EYA1: variants seen among roughly 807,000 people sequenced by gnomAD.
EYA1 encodes EYA transcriptional coactivator and phosphatase 1.
A neutral mutation model predicts 82.0 loss-of-function variants in EYA1; 16 were observed. The observed-to-expected ratio is 0.20, with a 90% CI of 0.13 to 0.30. EYA1 has a LOEUF of 0.30. Ranked by LOEUF, EYA1 falls within the 10% of genes least tolerant of loss-of-function variation. The pLI, the probability that EYA1 is intolerant of heterozygous loss-of-function variation, is 1.00. For synonymous variants in EYA1, 261 were observed against 264.4 expected (o/e 0.99, Z 0.12); for missense variants, 633 against 730.7 (o/e 0.87, Z 1.54).
chr8:71,274,855 A>G (rs1816936889), intron 9 of EYA1, among the ~76,000 whole-genome samples: 1 of 152,158 alleles, frequency 6.6e-6, no homozygotes, highest in Non-Finnish European at 1.5e-5. Context: ...GTATGTGTGA[A>G]GGTAAAGTGG....
chr8:71,305,430 T>C (rs73290074), intron 7 of EYA1, among the ~76,000 whole-genome samples: 4,438 of 141,624 alleles, frequency 0.031, 512 homozygotes, highest in African/African-American at 0.11. Context: ...TTCTTACTCA[T>C]TGGTTAAAAG....
chr8:71,493,675 ATATAT>A (rs1263018946), intron 2 of EYA1, among the ~76,000 whole-genome samples: 1 of 151,814 alleles, frequency 6.6e-6, no homozygotes, highest in African/African-American at 2.4e-5. Flanking sequence ...ATTATATATT[ATATAT>A]TATATTTTTT....
At chr8:71,374,323 G>A (rs1366402136) in intron 2 of EYA1, among the ~76,000 whole-genome samples, 2 of 152,000 alleles carry the variant, frequency 1.3e-5, no homozygotes, top group Non-Finnish European at 2.9e-5. Context: ...ATGGGCAGAG[G>A]ACCTAAATAG....
intron 3 of EYA1, among the ~76,000 whole-genome samples, chr8:71,343,495 C>T (rs894961415): frequency 3.3e-5 from 5 of 152,020 alleles, no homozygotes; most frequent in African/African-American, 7.2e-5. Flanking sequence ...GGGAAACTGG[C>T]GGCTTTATGA....
chr8:71,478,441 G>C (rs933410314), intron 2 of EYA1, among the ~76,000 whole-genome samples: 4 of 152,096 alleles, frequency 2.6e-5, no homozygotes, highest in Non-Finnish European at 5.9e-5. Flanking sequence ...AACAGAAAGG[G>C]AGTAGTATGT....
intron 2 of EYA1, among the ~76,000 whole-genome samples, chr8:71,509,993 A>G (rs1389853105): frequency 2.6e-5 from 4 of 151,436 alleles, no homozygotes; most frequent in Non-Finnish European, 4.4e-5. Context: ...TTTTTAGATT[A>G]TTGTTCTGTA....
chr8:71,264,780 G>A (rs1815578831), intron 11 of EYA1, among the ~76,000 whole-genome samples: 1 of 151,470 alleles, frequency 6.6e-6, no homozygotes, highest in Admixed American at 6.6e-5. Context: ...ATGGACTCTT[G>A]CCATGTTACC....
chr8:71,502,709 TGGA>T (rs1811896688), intron 2 of EYA1, among the ~76,000 whole-genome samples: 1 of 152,282 alleles, frequency 6.6e-6, no homozygotes. Flanking sequence ...GCCTGAAGCA[TGGA>T]GATGAAGAAA....
rs1409992455 is a variant in EYA1 at position 71,497,677 on chromosome 8, A to G, written c.33+38067T>C. Among the ~76,000 whole-genome samples, 72 of 152,320 alleles carry G rather than the reference A, an allele frequency of 4.7e-4. 1 individual carries two copies. The highest frequency in any genetic ancestry group is 1.5e-5 in the Non-Finnish European group (1 of 68,024). On this transcript the variant is annotated intron_variant, in intron 2 of 18. Coordinates refer to the EYA1 transcript ENST00000643681. ...ACTAAGGAGGTTCCTCAAAAAATTA[A>G]AAACAGAACTACCCTTTGATTCAGC...
chr8:71,496,233 T>G (rs1282304336), intron 2 of EYA1, among the ~76,000 whole-genome samples: 1 of 152,208 alleles, frequency 6.6e-6, no homozygotes, highest in Admixed American at 6.5e-5. Context: ...ATAAATCAGT[T>G]TGTGAATCTA....
At chr8:71,538,249 T>C (rs1814866106) in intron 1 of EYA1, among the ~76,000 whole-genome samples, 2 of 152,196 alleles carry the variant, frequency 1.3e-5, no homozygotes, top group South Asian at 4.1e-4. Flanking sequence ...ACTCATCTAG[T>C]GGAATTGCAA....
At chr8:71,458,367 A>T (rs1215437863) in intron 2 of EYA1, among the ~76,000 whole-genome samples, 1 of 152,060 alleles carries the variant, frequency 6.6e-6, no homozygotes, top group African/African-American at 2.4e-5. Flanking sequence ...TTTGGGTCAC[A>T]ATCCTCTGTG....
intron 2 of EYA1, among the ~76,000 whole-genome samples, chr8:71,421,578 T>C (rs1188757299): frequency 7.2e-5 from 11 of 152,198 alleles, no homozygotes. Context: ...TGTGTGTGTC[T>C]GGTGGGGTAG....
Position 71,328,162 on chromosome 8 carries a change from T to C in EYA1, c.203-5894A>G, listed in dbSNP as rs965058756. 7.2e-5 allele frequency among the ~76,000 whole-genome samples: 11 copies of C among 152,260 alleles called. No individual in the cohort carries two copies. The East Asian group carries it at 1.9e-3, about 27-fold the overall frequency. The stretch of plus-strand genomic sequence containing the variant: ...GAGCCACTGCACCCAGCCAAGTTCA[T>C]GTGAATTTTTAAGCCATTGTGGAGA... On this transcript the variant is annotated intron_variant, in intron 4 of 17. Coordinates refer to ENST00000340726, the MANE Select transcript of EYA1 (RefSeq NM_000503.6).
intron 2 of EYA1, among the ~76,000 whole-genome samples, chr8:71,481,429 C>T (rs4072427): frequency 0.63 from 95,694 of 152,110 alleles, 31,925 homozygotes; most frequent in African/African-American, 0.84. Flanking sequence ...AATGATCAAT[C>T]CTAAGCTGTT....
intron 2 of EYA1, among the ~76,000 whole-genome samples, chr8:71,468,658 T>C (rs1461922271): frequency 6.6e-6 from 1 of 152,148 alleles, no homozygotes; most frequent in African/African-American, 2.4e-5. Context: ...TAATGATGTA[T>C]TGTTGTTAGT....
At chr8:71,402,384 A>T (rs141583720) in intron 2 of EYA1, among the ~76,000 whole-genome samples, 2 of 152,328 alleles carry the variant, frequency 1.3e-5, no homozygotes, top group African/African-American at 4.8e-5. Flanking sequence ...CAAAAACAAG[A>T]TACCTAAGAA....
chr8:71,250,859 T>C, intron 11 of EYA1, among the ~76,000 whole-genome samples: 1 of 152,220 alleles, frequency 6.6e-6, no homozygotes. Context: ...ATAGAGAATA[T>C]TTCAAATAAT....
At chr8:71,402,375 A>G (rs1470110871) in intron 2 of EYA1, among the ~76,000 whole-genome samples, 1 of 152,354 alleles carries the variant, frequency 6.6e-6, no homozygotes, top group Admixed American at 6.5e-5. Context: ...CAATAGCAAC[A>G]AAAACAAGAT....
Sources: allele counts gnomAD v4.1 joint callset (sites outside exome capture counted in the v4.1 genomes callset), GRCh38; gene constraint gnomAD v4.1.1; transcripts MANE v1.5; gene names NCBI Gene and HGNC (gene_info 2026-07-23, HGNC 2026-07-21).